Variants in SND1 observed in about 807,000 individuals in gnomAD.
SND1 encodes staphylococcal nuclease domain-containing protein 1.
Under a neutral mutation model 121.7 loss-of-function variants are expected in SND1, and 38 were observed. The ratio of observed to expected loss-of-function variants is 0.31; its 90% CI spans 0.24 to 0.41. The LOEUF is 0.41. Among genes scored for constraint, SND1 ranks in the 10% least tolerant of loss-of-function variants. SND1 has a pLI of 1.00. For missense variants in SND1, 868 were observed against 1,184.6 expected, an observed-to-expected ratio of 0.73 and a Z score of 3.92; for synonymous variants, 401 against 447.4, an observed-to-expected ratio of 0.90 and a Z score of 1.31.
intron 14 of SND1, among the ~76,000 whole-genome samples, chr7:127,913,714 C>A (rs3757768): frequency 0.2 from 30,739 of 152,100 alleles, 3,617 homozygotes; most frequent in African/African-American, 0.33. Flanking sequence ...TGATCTGTCC[C>A]ATGGCTGCTG....
At position 127,953,532 on chromosome 7, in the gene SND1, A is replaced by G. The variant is rs116846391; in HGVS notation, c.1669+24203A>G. ...ACATTTGCATGTGCATGTGGACTGGACCAGTTAGTCTCTGTGTTCGTGGCT... is the reference window on the plus strand; with the variant it reads ...ACATTTGCATGTGCATGTGGACTGGGCCAGTTAGTCTCTGTGTTCGTGGCT... On this transcript the variant is annotated intron_variant, in intron 15 of 23. Coordinates refer to ENST00000354725, the MANE Select transcript of SND1 (RefSeq NM_014390.4). Among the ~76,000 whole-genome samples the G allele has an allele frequency of 5.2e-4, 79 of 152,224 alleles. No homozygotes were observed. In the East Asian group the frequency reaches 0.014, roughly 26 times the overall value.
At chr7:127,941,912 T>A (rs903966430) in intron 15 of SND1, among the ~76,000 whole-genome samples, 12 of 134,210 alleles carry the variant, frequency 8.9e-5, no homozygotes, top group East Asian at 2.1e-4. Context: ...TTTTTTTTTT[T>A]AAATTTTCCA....
chr7:127,706,433 G>T (rs1226237797), intron 8 of SND1, among the ~76,000 whole-genome samples: 4 of 151,466 alleles, frequency 2.6e-5, no homozygotes, highest in African/African-American at 9.7e-5. Flanking sequence ...ATTTTTTTTT[G>T]TATTTTAGTG....
chr7:127,854,642 A>ATTAT (rs549092526), intron 12 of SND1, among the ~76,000 whole-genome samples: 117 of 151,692 alleles, frequency 7.7e-4, no homozygotes, highest in African/African-American at 2.6e-3. Context: ...ACTAATAAGC[A>ATTAT]TTATTTATTT....
intron 16 of SND1, among the ~76,000 whole-genome samples, chr7:128,034,725 A>T (rs983498676): frequency 2.0e-5 from 3 of 152,182 alleles, no homozygotes; most frequent in African/African-American, 7.2e-5. Context: ...CGAGCTCTAC[A>T]TCAGGCTGCT....
intron 15 of SND1, among the ~76,000 whole-genome samples, chr7:127,969,392 C>T (rs1244138893): frequency 1.3e-5 from 2 of 152,160 alleles, no homozygotes; most frequent in Middle Eastern, 3.2e-3. Flanking sequence ...ATCCTGGCTC[C>T]ATTCGCTCGT....
chr7:127,799,650 G>A (rs1441406552), intron 10 of SND1, among the ~76,000 whole-genome samples: 1 of 152,124 alleles, frequency 6.6e-6, no homozygotes, highest in Non-Finnish European at 1.5e-5. Context: ...TTGGATTTTA[G>A]TTTCTATTGT....
At chr7:127,732,937 G>A (rs1461768177) in intron 10 of SND1, among the ~76,000 whole-genome samples, 1 of 152,168 alleles carries the variant, frequency 6.6e-6, no homozygotes. Context: ...TGTAAATAGT[G>A]GCGGGAGGTT....
At chr7:127,813,287 T>A (rs973285328) in intron 11 of SND1, among the ~76,000 whole-genome samples, 2 of 152,210 alleles carry the variant, frequency 1.3e-5, no homozygotes, top group African/African-American at 4.8e-5. Flanking sequence ...TTGGGAAGGA[T>A]CCTAATCTTT....
intron 15 of SND1, among the ~76,000 whole-genome samples, chr7:127,951,657 G>T (rs367786361): frequency 4.6e-5 from 7 of 152,214 alleles, no homozygotes; most frequent in South Asian, 4.2e-4. Context: ...AATTTTGGGG[G>T]ATAGAATGTG....
intron 17 of SND1, among the ~76,000 whole-genome samples, chr7:128,075,961 C>T (rs781110715): frequency 1.3e-5 from 2 of 152,214 alleles, no homozygotes; most frequent in South Asian, 4.1e-4. Flanking sequence ...GGAGGGGCAG[C>T]GCTGGGGCCT....
intron 12 of SND1, among the ~76,000 whole-genome samples, chr7:127,886,209 A>C (rs1799904127): frequency 6.6e-6 from 1 of 152,108 alleles, no homozygotes; most frequent in Non-Finnish European, 1.5e-5. Flanking sequence ...CCGTGCTGGC[A>C]GTAGATAAAC....
At chr7:127,799,918 C>A (rs1275618137) in intron 10 of SND1, among the ~76,000 whole-genome samples, 1 of 152,128 alleles carries the variant, frequency 6.6e-6, no homozygotes, top group Non-Finnish European at 1.5e-5. Context: ...TAAAAGATAC[C>A]TTCTATTCGG....
chr7:127,814,866 C>G (rs1266522059), intron 11 of SND1, among the ~76,000 whole-genome samples: 1 of 152,066 alleles, frequency 6.6e-6, no homozygotes, highest in Non-Finnish European at 1.5e-5. Context: ...AATTTGTCGA[C>G]TTTTTATAGT....
At chr7:127,873,617 G>A (rs539719169) in intron 12 of SND1, among the ~76,000 whole-genome samples, 1 of 152,238 alleles carries the variant, frequency 6.6e-6, no homozygotes, top group Non-Finnish European at 1.5e-5. Context: ...CTCAGGCTTA[G>A]GGACCATTTA....
chr7:127,834,725 T>G (rs1563029597), intron 11 of SND1, among the ~76,000 whole-genome samples: 1 of 152,242 alleles, frequency 6.6e-6, no homozygotes, highest in African/African-American at 2.4e-5. Context: ...CTTGTGTTAT[T>G]TAGTCATTGG....
chr7:128,037,790 A>C (rs966923848), intron 16 of SND1, among the ~76,000 whole-genome samples: 2 of 152,210 alleles, frequency 1.3e-5, no homozygotes, highest in African/African-American at 4.8e-5. Context: ...GGGCAGGCTG[A>C]CAAGACACAC....
chr7:128,035,413 C>T (rs901361601), intron 16 of SND1, among the ~76,000 whole-genome samples: 3 of 152,168 alleles, frequency 2.0e-5, no homozygotes, highest in African/African-American at 4.8e-5. Context: ...CAGAGCAAAT[C>T]GGACTGTGTT....
At chr7:127,658,675 GT>G in intron 1 of SND1, among the ~76,000 whole-genome samples, 1 of 152,324 alleles carries the variant, frequency 6.6e-6, no homozygotes, top group Admixed American at 6.5e-5. Context: ...TAATTATCAG[GT>G]AAGAACTCGC....
Sources: gnomAD v4.1 joint callset for allele counts (sites outside exome capture counted in the v4.1 genomes callset) on GRCh38, gnomAD v4.1.1 for gene constraint, MANE v1.5 for transcripts, NCBI Gene and HGNC (gene_info 2026-07-23, HGNC 2026-07-21) for gene names.